The following ASPG variants were observed in gnomAD, a reference collection of about 807,000 sequenced individuals.
ASPG encodes the protein asparaginase.
A neutral mutation model predicts 63.2 loss-of-function variants in ASPG; 53 were observed. The ratio of observed to expected loss-of-function variants is 0.84; its 90% CI spans 0.67 to 1.05. ASPG has a LOEUF of 1.05. Ranked by LOEUF, ASPG falls within the 50% of genes least tolerant of loss-of-function variation. The pLI, the probability that ASPG is intolerant of heterozygous loss-of-function variation, is 0.00. For missense variants in ASPG, 741 were observed against 794.4 expected, an observed-to-expected ratio of 0.93 and a Z score of 0.81; for synonymous variants, 370 against 355.0, an observed-to-expected ratio of 1.04 and a Z score of -0.48.
rs1318263231 is a variant in ASPG at position 104,109,676 on chromosome 14, G to T, written c.1520+361G>T. On this transcript the variant is annotated intron_variant, in intron 13 of 15. Coordinates refer to ENST00000551177, the MANE Select transcript of ASPG (RefSeq NM_001080464.3). This position sits in a 1 kb window ranked among gnomAD's most constrained non-coding sequence, Gnocchi z 4.8. ...GTGAGAGGGGCTGGGGTGTGGACTG[G>T]GGGGTGGCTGGGGCTGCATTTGGGG... Among the ~76,000 whole-genome samples, 2 of 151,594 alleles carry T rather than the reference G, an allele frequency of 1.3e-5. No individual in the cohort carries two copies. Among genetic ancestry groups the T allele is most frequent in the Non-Finnish European group, 2.9e-5 (2 of 67,834 alleles).
Position 104,089,169 on chromosome 14 carries a change from C to T in ASPG, c.82+3317C>T, listed in dbSNP as rs369953906. On this transcript the variant is annotated intron_variant, in intron 1 of 15. Transcript: ENST00000551177. ...CCGAGTAGCTGGGACTACAGGCGCCCGCCACCGTGCCCGGCTGAAAGCTGG... is the reference window on the plus strand; with the variant it reads ...CCGAGTAGCTGGGACTACAGGCGCCTGCCACCGTGCCCGGCTGAAAGCTGG... Among the ~76,000 whole-genome samples, 1,170 of 152,060 alleles carry T rather than the reference C, an allele frequency of 7.7e-3. 10 individuals carry two copies. Among genetic ancestry groups the T allele is most frequent in the African/African-American group, 0.027 (1,116 of 41,482 alleles).
intron 5 of ASPG, 45 bp downstream of exon 5, chr14:104,097,682 C>A: frequency 6.5e-7 from 1 of 1,531,628 alleles, no homozygotes; most frequent in Non-Finnish European, 8.8e-7. Context: ...GGGGTGGGGG[C>A]AGGAGCCCAG....
At chr14:104,105,471 C>T in intron 10 of ASPG, 21 bp downstream of exon 10, 12 of 1,546,174 alleles carry the variant, frequency 7.8e-6, no homozygotes, top group Non-Finnish European at 1.0e-5. Context: ...GGGACACGGG[C>T]CTGAGTGGCA....
chr14:104,098,243 G>C lies in ASPG; in HGVS notation c.513+606G>C, dbSNP rs192481009. On this transcript the variant is annotated intron_variant, in intron 5 of 15. Transcript: ENST00000551177. Reference sequence around the variant, plus strand: ...GTATGGAGGTTTTACATTAGAGATAGGTATGGAAGTTTCTATAAAAACAGG... The same window carrying C: ...GTATGGAGGTTTTACATTAGAGATACGTATGGAAGTTTCTATAAAAACAGG... 1.9e-3 allele frequency among the ~76,000 whole-genome samples: 293 copies of C among 151,058 alleles called. 2 individuals carry two copies. Among genetic ancestry groups the C allele is most frequent in the Non-Finnish European group, 2.4e-3 (159 of 67,452 alleles).
chr14:104,088,227 T>G (rs2036271368), intron 1 of ASPG, among the ~76,000 whole-genome samples: 1 of 152,152 alleles, frequency 6.6e-6, no homozygotes, highest in African/African-American at 2.4e-5. Flanking sequence ...GTAAAGCTGT[T>G]TGATTGTCGC....
At chr14:104,099,448 G>A (rs1226904684) in intron 6 of ASPG, among the ~76,000 whole-genome samples, 1 of 152,186 alleles carries the variant, frequency 6.6e-6, no homozygotes, top group Non-Finnish European at 1.5e-5. Flanking sequence ...CCCTGGGGGG[G>A]CCAAGCCCGC....
Position 104,110,562 on chromosome 14 carries a change from A to C in ASPG, c.1521-940A>C, listed in dbSNP as rs891394120. The C allele has an allele frequency of 2.0e-6, 2 of 984,934 alleles. No individual in the cohort carries two copies. The highest frequency in any genetic ancestry group is 1.8e-5 in the African/African-American group (1 of 57,136). The allele number at this position is 984,934 out of a possible 1,614,324, so 61.0% of individuals were successfully genotyped here. On this transcript the variant is annotated intron_variant, in intron 13 of 15. Coordinates refer to ENST00000551177, the MANE Select transcript of ASPG (RefSeq NM_001080464.3). The surrounding 1 kb of genome is among the most constrained non-coding windows in gnomAD (Gnocchi z 4.7). ...TTGAGCCCCTCGGCTAGGCCTTCCT[A>C]GGGGCCGGTGTGTGTGTGGGGCTTG...
intron 1 of ASPG, among the ~76,000 whole-genome samples, chr14:104,087,680 G>T (rs1298806231): frequency 6.6e-6 from 1 of 152,210 alleles, no homozygotes; most frequent in Non-Finnish European, 1.5e-5. Context: ...ACCCCTTCAG[G>T]CTTGGAGTGT....
At chr14:104,104,216 C>T in intron 7 of ASPG, 88 bp from the exon 8 acceptor site, 1 of 1,418,530 alleles carries the variant, frequency 7.0e-7, no homozygotes, top group Non-Finnish European at 9.5e-7. Context: ...GGCTTGGGGT[C>T]CCTCTCCTTG....
At chr14:104,090,533 C>T (rs983920657) in intron 1 of ASPG, among the ~76,000 whole-genome samples, 4 of 152,238 alleles carry the variant, frequency 2.6e-5, no homozygotes, top group Non-Finnish European at 5.9e-5. Flanking sequence ...TGCAGGGCAC[C>T]GCTCCGTCCT....
In ASPG at chr14:104,098,023, G is replaced by A. The variant is rs113578492; in HGVS notation, c.513+386G>A. Among the ~76,000 whole-genome samples the A allele has an allele frequency of 2.0e-3, 81 of 41,342 alleles. 5 individuals are homozygous for A. Among genetic ancestry groups the A allele is most frequent in the Non-Finnish European group, 2.3e-3 (38 of 16,692 alleles). 27.1% of individuals were successfully genotyped at this position (41,342 alleles called of 152,430 possible). Reference sequence around the variant, plus strand: ...CGTTAGAGATGCGTATGGAGGTTCTGCGTTAGAGATGCGTATGGAGGTTTT... The same window carrying A: ...CGTTAGAGATGCGTATGGAGGTTCTACGTTAGAGATGCGTATGGAGGTTTT... On this transcript the variant is annotated intron_variant, in intron 5 of 15. Transcript: ENST00000551177.
chr14:104,105,183 T>C, intron 9 of ASPG, 145 bp from the exon 10 acceptor site: 2 of 1,323,274 alleles, frequency 1.5e-6, no homozygotes, highest in East Asian at 2.5e-5. Flanking sequence ...CCCAGCCCGC[T>C]CTGGCCCGAG....
At position 104,107,138 on chromosome 14, in the gene ASPG, G is replaced by A. The variant is rs965108108; in HGVS notation, c.1270-44G>A. The A allele has an allele frequency of 3.2e-5, 49 of 1,525,008 alleles. No homozygotes were observed. The East Asian group carries it at 4.3e-4, about 13-fold the overall frequency. 94.5% of individuals were successfully genotyped at this position (1,525,008 alleles called of 1,614,324 possible). On this transcript the variant is annotated intron_variant, in intron 11 of 15. Transcript: ENST00000551177. Reference sequence around the variant, plus strand: ...CCCTCCCCATGGCCTACCTGGCCCCGCCTGGGTCTCCCTCAGGGGTCGCAT... The same window carrying A: ...CCCTCCCCATGGCCTACCTGGCCCCACCTGGGTCTCCCTCAGGGGTCGCAT...
intron 15 of ASPG, 164 bp from the exon 16 acceptor site, chr14:104,112,360 T>G (rs2037407155): frequency 6.1e-6 from 4 of 660,688 alleles, no homozygotes; most frequent in Non-Finnish European, 8.3e-6. Flanking sequence ...AGTTCCCAGC[T>G]GACACCCCCA....
intron 1 of ASPG, among the ~76,000 whole-genome samples, chr14:104,088,635 C>T (rs1046109089): frequency 6.6e-6 from 1 of 152,204 alleles, no homozygotes; most frequent in African/African-American, 2.4e-5. Flanking sequence ...ACACGGGTCC[C>T]AGCAGTCGAG....
chr14:104,104,304 G>T lies in ASPG; in HGVS notation c.754G>T (p.Val252Phe), dbSNP rs1345454786. The change falls in exon 8 of 16, where the codon GTT (valine) becomes TTT (phenylalanine). Residue 252 changes from valine to phenylalanine, a missense_variant and splice_region_variant. Coordinates refer to ENST00000551177, the MANE Select transcript of ASPG (RefSeq NM_001080464.3). Reference protein sequence around the residue: ...RLYPGIPAALVRAFLQPPLKG... With the variant: ...RLYPGIPAALFRAFLQPPLKG... ...CAGCCCCCACCCCACCGCCCCACAG[G>T]TTCGGGCCTTCTTGCAGCCTCCCCT... The T allele has an allele frequency of 2.5e-6, 4 of 1,610,940 alleles. No individual in the cohort carries two copies.
intron 6 of ASPG, among the ~76,000 whole-genome samples, chr14:104,102,941 T>G (rs1566834869): frequency 6.6e-6 from 1 of 152,132 alleles, no homozygotes; most frequent in East Asian, 1.9e-4. Flanking sequence ...GGGCACACAT[T>G]AGGATTTTGG....
intron 6 of ASPG, among the ~76,000 whole-genome samples, chr14:104,100,320 C>T (rs1211919585): frequency 3.3e-5 from 5 of 151,944 alleles, no homozygotes; most frequent in African/African-American, 4.8e-5. Context: ...GCTGTGGGGC[C>T]GTCAGCAGAA....
chr14:104,100,994 A>C (rs1208036546), intron 6 of ASPG, among the ~76,000 whole-genome samples: 1 of 151,984 alleles, frequency 6.6e-6, no homozygotes, highest in African/African-American at 2.4e-5. Context: ...GATTCCAGGG[A>C]CTCCGCCAGC....
Sources: gnomAD v4.1 joint callset for allele counts (sites outside exome capture counted in the v4.1 genomes callset) on GRCh38, gnomAD v4.1.1 for gene constraint, Gnocchi (gnomAD v3.1) non-coding constraint, MANE v1.5 for transcripts, NCBI Gene and HGNC (gene_info 2026-07-23, HGNC 2026-07-21) for gene names.